Variants in ANO4 observed in about 807,000 individuals in gnomAD.
The protein encoded by ANO4 is anoctamin 4.
A neutral mutation model predicts 141.9 loss-of-function variants in ANO4; 69 were observed. The ratio of observed to expected loss-of-function variants is 0.49; its 90% CI spans 0.40 to 0.59. ANO4 has a LOEUF of 0.59. Among genes scored for constraint, ANO4 ranks in the 20% least tolerant of loss-of-function variants. The probability of loss-of-function intolerance (pLI) is 0.00; values close to 1 mark genes in which losing one functional copy is unlikely to be tolerated. For missense variants in ANO4, 894 were observed against 1,162.2 expected (o/e 0.77, Z 3.36); for synonymous variants, 350 against 394.3 (o/e 0.89, Z 1.33).
At chr12:100,733,734 A>G in intron 1 of ANO4, 4 of 690,974 alleles carry the variant, frequency 5.8e-6, no homozygotes, top group Non-Finnish European at 1.1e-5. Context: ...GGTGTCTACT[A>G]AGTTATAATT....
chr12:101,078,677 C>G (rs1205550853), intron 14 of ANO4, among the ~76,000 whole-genome samples: 2 of 152,110 alleles, frequency 1.3e-5, no homozygotes, highest in African/African-American at 4.8e-5. Flanking sequence ...ATATATTTTA[C>G]ATAGGTATTT....
At chr12:100,960,125 A>T (rs1400821928) in intron 5 of ANO4, among the ~76,000 whole-genome samples, 2 of 152,094 alleles carry the variant, frequency 1.3e-5, no homozygotes, top group African/African-American at 4.8e-5. Flanking sequence ...CTGCCTACCC[A>T]AGTGGGCTAA....
chr12:101,049,410 T>C (rs2047767408), intron 14 of ANO4, among the ~76,000 whole-genome samples: 1 of 152,142 alleles, frequency 6.6e-6, no homozygotes, highest in African/African-American at 2.4e-5. Context: ...CACTTAAAAT[T>C]ATTTTCACAG....
chr12:100,971,451 GT>G (rs1439309319), intron 6 of ANO4, 45 bp downstream of exon 6: 9 of 1,354,556 alleles, frequency 6.6e-6, no homozygotes, highest in Non-Finnish European at 9.4e-6. Context: ...CTGCTTCACT[GT>G]AAATCTAATG....
At chr12:100,934,896 T>C (rs938228229) in intron 3 of ANO4, among the ~76,000 whole-genome samples, 4 of 152,204 alleles carry the variant, frequency 2.6e-5, no homozygotes, top group Non-Finnish European at 5.9e-5. Flanking sequence ...TCTGTTTGTC[T>C]GTTAATGGTG....
chr12:100,838,689 T>G (rs2037075992), intron 1 of ANO4, among the ~76,000 whole-genome samples: 1 of 152,158 alleles, frequency 6.6e-6, no homozygotes. Flanking sequence ...GGTCAGATTT[T>G]ATGGGGCCTT....
chr12:100,974,856 ATT>A lies in ANO4; in HGVS notation c.570_571del (p.Tyr190Ter). Reference sequence around the variant, plus strand: ...TGCTGTTCTTCCAGGAGAAAAATCTATTACCTGCCCCGCCGTTACAAGTTCAT... The same window carrying A: ...TGCTGTTCTTCCAGGAGAAAAATCTAACCTGCCCCGCCGTTACAAGTTCAT... On this transcript the variant is annotated stop_gained and frameshift_variant, in exon 7 of 28. Coordinates refer to ENST00000392977, the MANE Select transcript of ANO4 (RefSeq NM_001286615.2). LOFTEE classifies it high-confidence loss of function. The A allele has an allele frequency of 6.2e-7, 1 of 1,613,266 alleles. No homozygotes were observed. The highest frequency in any genetic ancestry group is 8.5e-7 in the Non-Finnish European group (1 of 1,179,844).
chr12:100,853,904 A>G (rs1450776357), intron 1 of ANO4, among the ~76,000 whole-genome samples: 2 of 152,028 alleles, frequency 1.3e-5, no homozygotes, highest in Non-Finnish European at 2.9e-5. Flanking sequence ...CCCCAAATAA[A>G]CCATTATTAC....
chr12:100,989,973 CCAGATGGATGGATGGATGGA>C (rs981556843), intron 8 of ANO4, among the ~76,000 whole-genome samples: 3 of 32,246 alleles, frequency 9.3e-5, no homozygotes, highest in African/African-American at 3.8e-4. Context: ...GGATAGGTCA[CCAGATGGATGGATGGATGGA>C]TGGATGGATG....
At chr12:100,959,566 C>T (rs2043319763) in intron 5 of ANO4, among the ~76,000 whole-genome samples, 1 of 152,148 alleles carries the variant, frequency 6.6e-6, no homozygotes, top group African/African-American at 2.4e-5. Flanking sequence ...TCACAGAAAC[C>T]CCTTTTATAA....
At chr12:100,749,772 C>T (rs1593265825) in intron 3 of ANO4, among the ~76,000 whole-genome samples, 1 of 152,166 alleles carries the variant, frequency 6.6e-6, no homozygotes, top group South Asian at 2.1e-4. Context: ...TAAGATGCTC[C>T]AATAAAGTCA....
intron 1 of ANO4, among the ~76,000 whole-genome samples, chr12:100,727,213 G>A (rs7954827): frequency 0.028 from 4,313 of 152,228 alleles, 204 homozygotes; most frequent in African/African-American, 0.098. Flanking sequence ...CAAATTTTCA[G>A]TGTTTTTACT....
At chr12:100,842,721 G>C (rs959258723) in intron 1 of ANO4, among the ~76,000 whole-genome samples, 1 of 152,044 alleles carries the variant, frequency 6.6e-6, no homozygotes, top group Admixed American at 6.6e-5. Flanking sequence ...ATGGTGCCTT[G>C]TTGTTTTGTC....
chr12:101,111,673 T>A lies in ANO4; in HGVS notation c.2413T>A (p.Tyr805Asn), dbSNP rs1361944276. 3 of 1,611,430 alleles carry A rather than the reference T, an allele frequency of 1.9e-6. No homozygotes were observed. Among genetic ancestry groups the A allele is most frequent in the Non-Finnish European group, 2.5e-6 (3 of 1,178,928 alleles). Residue 805 changes from tyrosine (Y) to asparagine (N), a missense_variant, in exon 24 of 28, where the codon TAT becomes AAT. By Grantham distance (143) the Tyr-to-Asn change is moderately radical. This residue lies in a region of ANO4 where 637 missense variants were observed against 909.2 expected (regional missense o/e 0.70). Coordinates refer to ENST00000392977, the MANE Select transcript of ANO4 (RefSeq NM_001286615.2). ...CCCTCGCTTGGTGTATGCTTATAAG[T>A]ATGGACCTTGTGCAGGCCAAGGAGA... ...FIPRLVYAYK[Y>N]GPCAGQGEAG...
intron 3 of ANO4, among the ~76,000 whole-genome samples, chr12:100,757,270 G>A (rs866475880): frequency 5.9e-5 from 9 of 152,100 alleles, no homozygotes; most frequent in African/African-American, 2.2e-4. Flanking sequence ...CCTTTGACTG[G>A]ACCATTACTT....
intron 1 of ANO4, among the ~76,000 whole-genome samples, chr12:100,722,747 G>C (rs915183495): frequency 9.2e-5 from 14 of 152,150 alleles, no homozygotes; most frequent in Admixed American, 2.0e-4. Context: ...CCAGTACTTG[G>C]GTGTGTGACT....
chr12:100,884,258 T>G (rs1017595490), intron 1 of ANO4, among the ~76,000 whole-genome samples: 8 of 152,352 alleles, frequency 5.3e-5, no homozygotes, highest in African/African-American at 1.9e-4. Flanking sequence ...GCTTGCATTG[T>G]GAAGTTTTGA....
At chr12:100,798,906 A>G (rs2034512504) in intron 1 of ANO4, among the ~76,000 whole-genome samples, 1 of 152,236 alleles carries the variant, frequency 6.6e-6, no homozygotes, top group Non-Finnish European at 1.5e-5. Flanking sequence ...TGTGTGAGCC[A>G]GCAGCCATTC....
chr12:101,104,289 T>C (rs1400159111), intron 22 of ANO4, among the ~76,000 whole-genome samples: 1 of 151,758 alleles, frequency 6.6e-6, no homozygotes, highest in Non-Finnish European at 1.5e-5. Context: ...TTCACTTTTT[T>C]TCTCAGCATC....
Sources: gnomAD v4.1 joint callset for allele counts (sites outside exome capture counted in the v4.1 genomes callset) on GRCh38, gnomAD v4.1.1 for gene constraint, gnomAD v4.1.1 regional missense constraint, MANE v1.5 for transcripts, NCBI Gene and HGNC (gene_info 2026-07-23, HGNC 2026-07-21) for gene names.